The following CLVS1 variants were observed in gnomAD, a reference collection of about 807,000 sequenced individuals.
CLVS1 encodes clavesin 1, also known as clavesin-1.
Under a neutral mutation model 33.1 loss-of-function variants are expected in CLVS1, and 10 were observed. The ratio of observed to expected loss-of-function variants is 0.30; its 90% confidence interval spans 0.19 to 0.51. CLVS1 has a LOEUF of 0.51. Ranked by LOEUF, CLVS1 falls within the 20% of genes least tolerant of loss-of-function variation. The probability of loss-of-function intolerance (pLI) is 0.97; values close to 1 mark genes in which losing one functional copy is unlikely to be tolerated. For synonymous variants in CLVS1, 163 were observed against 166.1 expected (o/e 0.98, Z 0.14); for missense variants, 343 against 433.4 (o/e 0.79, Z 1.85).
chr8:61,292,986 G>A (rs781596883), intron 1 of CLVS1, among the ~76,000 whole-genome samples: 1 of 152,134 alleles, frequency 6.6e-6, no homozygotes, highest in Non-Finnish European at 1.5e-5. Flanking sequence ...AAAGTTTTCA[G>A]TGTCTCTACT....
chr8:61,428,100 A>G (rs1815962202), intron 3 of CLVS1, among the ~76,000 whole-genome samples: 1 of 152,240 alleles, frequency 6.6e-6, no homozygotes, highest in African/African-American at 2.4e-5. Flanking sequence ...AAAGGGATGA[A>G]TGTTTCATGA....
chr8:61,270,868 T>C (rs1400541424), intron 2 of CLVS1, among the ~76,000 whole-genome samples: 1 of 152,166 alleles, frequency 6.6e-6, no homozygotes, highest in African/African-American at 2.4e-5. Flanking sequence ...ATATCCCCTT[T>C]ATCATTTTTT....
intron 2 of CLVS1, among the ~76,000 whole-genome samples, chr8:61,200,310 G>A (rs999670399): frequency 2.0e-5 from 3 of 152,042 alleles, no homozygotes; most frequent in Admixed American, 1.3e-4. Context: ...TAATAGAGAT[G>A]GGGTTTCACC....
chr8:61,054,471 A>T (rs886068744), upstream of CLVS1, among the ~76,000 whole-genome samples: 1 of 152,218 alleles, frequency 6.6e-6, no homozygotes, highest in Non-Finnish European at 1.5e-5. Context: ...AGACCAAGTA[A>T]TGGGAGACCA....
At chr8:61,494,031 T>C (rs574255624) in intron 5 of CLVS1, among the ~76,000 whole-genome samples, 45 of 152,220 alleles carry the variant, frequency 3.0e-4, no homozygotes, top group African/African-American at 6.5e-4. Flanking sequence ...GTGTTAGCTG[T>C]TGAGATAAGG....
intron 3 of CLVS1, among the ~76,000 whole-genome samples, chr8:61,430,170 A>G (rs1816057700): frequency 1.3e-5 from 2 of 152,218 alleles, no homozygotes; most frequent in South Asian, 4.1e-4. Flanking sequence ...TACACAAATA[A>G]GTGTGTCAAG....
chr8:61,347,163 T>C (rs1237873571), intron 2 of CLVS1, among the ~76,000 whole-genome samples: 1 of 152,130 alleles, frequency 6.6e-6, no homozygotes, highest in East Asian at 1.9e-4. Context: ...TAGGTCATCC[T>C]AAGAAATAGC....
the CLVS1 span, among the ~76,000 whole-genome samples, chr8:61,005,723 C>A: frequency 6.6e-6 from 1 of 152,146 alleles, no homozygotes; most frequent in African/African-American, 2.4e-5. Context: ...TGCTGAAAGT[C>A]CTTTAAAATA....
chr8:60,965,801 A>T, the CLVS1 span: 52,133 of 152,216 alleles, frequency 0.34, 9,462 homozygotes, highest in African/African-American at 0.46. Context: ...GATGTGTGTG[A>T]TTTTGTTTTT....
intron 2 of CLVS1, among the ~76,000 whole-genome samples, chr8:61,142,158 G>A (rs1013313872): frequency 6.6e-6 from 1 of 152,182 alleles, no homozygotes; most frequent in African/African-American, 2.4e-5. Context: ...AGGGAGCGAC[G>A]TGGTGGGAGA....
At chr8:61,157,248 G>C (rs1432889901) in intron 2 of CLVS1, among the ~76,000 whole-genome samples, 1 of 152,040 alleles carries the variant, frequency 6.6e-6, no homozygotes, top group Non-Finnish European at 1.5e-5. Flanking sequence ...CCACACATAG[G>C]CAATTAAATG....
intron 3 of CLVS1, among the ~76,000 whole-genome samples, chr8:61,414,526 T>C (rs573705892): frequency 6.6e-6 from 1 of 152,244 alleles, no homozygotes; most frequent in East Asian, 1.9e-4. Context: ...TATTGTGACC[T>C]GCCAGGTCTC....
intron 5 of CLVS1, among the ~76,000 whole-genome samples, chr8:61,474,551 A>G (rs1032573994): frequency 6.6e-6 from 1 of 152,204 alleles, no homozygotes; most frequent in Admixed American, 6.5e-5. Context: ...AAATGGGAAC[A>G]CTAGGATATC....
Position 61,499,947 on chromosome 8 carries a change from A to G in CLVS1, c.*405A>G. ...AAGTGCATTTCCAAGTAAATGTATCAGAGTTAAACTGTACAGACACCACTG... is the reference window on the plus strand; with the variant it reads ...AAGTGCATTTCCAAGTAAATGTATCGGAGTTAAACTGTACAGACACCACTG... On this transcript the variant is annotated 3_prime_UTR_variant, in exon 6 of 6. Transcript: ENST00000325897. 1 of 175,258 alleles carries G rather than the reference A, an allele frequency of 5.7e-6. No individual in the cohort carries two copies. Among genetic ancestry groups the G allele is most frequent in the South Asian group, 1.5e-4 (1 of 6,862 alleles). The allele number at this position is 175,258 out of a possible 1,614,324, so 10.9% of individuals were successfully genotyped here.
intron 2 of CLVS1, among the ~76,000 whole-genome samples, chr8:61,150,101 G>GGTAGGTGTGTGTGTGTGTGT (rs1554540383): frequency 2.0e-5 from 3 of 146,438 alleles, no homozygotes; most frequent in Admixed American, 6.8e-5. Context: ...ATTTGAGAAA[G>GGTAGGTGTGTGTGTGTGTGT]GTGTGTGTGT....
intron 5 of CLVS1, among the ~76,000 whole-genome samples, chr8:61,497,449 G>GGT (rs936456808): frequency 6.8e-6 from 1 of 147,754 alleles, no homozygotes; most frequent in Non-Finnish European, 1.5e-5. Flanking sequence ...TATTGGGGGG[G>GGT]GGGTGTCAGT....
chr8:61,096,139 T>A (rs1805346853), intron 1 of CLVS1, among the ~76,000 whole-genome samples: 1 of 152,166 alleles, frequency 6.6e-6, no homozygotes, highest in Non-Finnish European at 1.5e-5. Context: ...CAAAGGCACT[T>A]ACCTAATGAT....
intron 1 of CLVS1, among the ~76,000 whole-genome samples, chr8:61,087,786 T>C (rs1262727734): frequency 6.6e-6 from 1 of 151,788 alleles, no homozygotes; most frequent in Non-Finnish European, 1.5e-5. Flanking sequence ...GGTGGGAGAG[T>C]CTTAAAACTT....
intron 1 of CLVS1, among the ~76,000 whole-genome samples, chr8:61,079,800 C>T (rs1585594324): frequency 1.4e-5 from 2 of 145,332 alleles, no homozygotes; most frequent in Non-Finnish European, 3.0e-5. Flanking sequence ...AAAAAAAAAA[C>T]ACGTCAATAG....
Sources: allele counts gnomAD v4.1 joint callset (sites outside exome capture counted in the v4.1 genomes callset), GRCh38; gene constraint gnomAD v4.1.1; transcripts MANE v1.5; gene names NCBI Gene and HGNC (gene_info 2026-07-23, HGNC 2026-07-21).